Variants in SERPINB7 observed in about 807,000 individuals in gnomAD.
The protein encoded by SERPINB7 is serpin B7.
SERPINB7 carries 31 observed loss-of-function variants against 37.4 expected under a neutral mutation model. That is an observed-to-expected ratio of 0.83 (90% CI 0.62 to 1.12). The LOEUF (loss-of-function observed/expected upper bound fraction) is 1.12, where lower values mean the gene tolerates loss of function less well. SERPINB7 is among the 50% of genes most tolerant of loss of function. SERPINB7 has a pLI of 0.00. For missense variants in SERPINB7, 521 were observed against 455.3 expected (o/e 1.14, Z -1.31); for synonymous variants, 163 against 166.1 (o/e 0.98, Z 0.14).
At chr18:63,800,188 G>C (rs1388106469) in intron 6 of SERPINB7, among the ~76,000 whole-genome samples, 1 of 151,790 alleles carries the variant, frequency 6.6e-6, no homozygotes, top group Non-Finnish European at 1.5e-5. Context: ...CAAGTAGCTG[G>C]GAGTACAGGC....
upstream of SERPINB7, among the ~76,000 whole-genome samples, chr18:63,773,422 C>A (rs1017202039): frequency 6.6e-6 from 1 of 152,048 alleles, no homozygotes; most frequent in East Asian, 1.9e-4. Flanking sequence ...ATTTTCTGGG[C>A]ACTACACTAA....
intron 2 of SERPINB7, among the ~76,000 whole-genome samples, chr18:63,791,631 G>A (rs1447513278): frequency 5.3e-5 from 8 of 151,018 alleles, no homozygotes; most frequent in Non-Finnish European, 1.0e-4. Context: ...TTTTTTTTGA[G>A]ATGGCGTCTC....
At chr18:63,765,168 A>G (rs2049174175) in intron 1 of SERPINB7, among the ~76,000 whole-genome samples, 1 of 152,292 alleles carries the variant, frequency 6.6e-6, no homozygotes. Flanking sequence ...TTAAGTCCCC[A>G]AATCTCATTC....
At position 63,779,988 on chromosome 18, in the gene SERPINB7, A is replaced by G. The variant is rs562814054; in HGVS notation, c.-18-2367A>G. On this transcript the variant is annotated intron_variant, in intron 1 of 7. Coordinates refer to ENST00000398019, the MANE Select transcript of SERPINB7 (RefSeq NM_003784.4). ...CACTTTGGGAAATGATAGCTTCCAG[A>G]CCCCCATTGGCCCGTGCAAGCAGGT... is the stretch of plus-strand genomic sequence containing the variant. Among the ~76,000 whole-genome samples the G allele has an allele frequency of 2.0e-3, 302 of 152,164 alleles. 1 individual carries two copies. The highest frequency in any genetic ancestry group is 2.8e-3 in the Non-Finnish European group (191 of 67,970).
upstream of SERPINB7, among the ~76,000 whole-genome samples, chr18:63,772,364 T>C (rs1230067151): frequency 2.0e-5 from 3 of 152,188 alleles, no homozygotes; most frequent in East Asian, 5.8e-4. Flanking sequence ...AGGTAGAGGT[T>C]TTAAAGCTCC....
In SERPINB7 at chr18:63,783,283, A is replaced by AAAGAAAGG. The variant is rs1555694242; in HGVS notation, c.168+750_168+751insGAAGAAAG. The stretch of plus-strand genomic sequence containing the variant: ...GAAAGAAAGAAAGAAAGAAAGAAAG[A>AAAGAAAGG]AAGAAAGAAAGAAATGCAAATGCTT... On this transcript the variant is annotated intron_variant, in intron 2 of 7. Transcript: ENST00000398019. Among the ~76,000 whole-genome samples the AAAGAAAGG allele has an allele frequency of 5.7e-3, 689 of 121,828 alleles. 39 individuals are homozygous for AAAGAAAGG. Among genetic ancestry groups the AAAGAAAGG allele is most frequent in the African/African-American group, 7.9e-3 (246 of 31,176 alleles). The allele number at this position is 121,828 out of a possible 152,430, so 79.9% of individuals were successfully genotyped here.
intron 1 of SERPINB7, among the ~76,000 whole-genome samples, chr18:63,770,092 T>C (rs1244326068): frequency 6.7e-6 from 1 of 149,772 alleles, no homozygotes; most frequent in Non-Finnish European, 1.5e-5. Context: ...TCATTATGGT[T>C]CTACCCTACA....
At chr18:63,785,882 T>TTA (rs34009169) in intron 2 of SERPINB7, among the ~76,000 whole-genome samples, 1 of 105,504 alleles carries the variant, frequency 9.5e-6, no homozygotes, top group Non-Finnish European at 1.8e-5. Flanking sequence ...TTGAAATGCT[T>TTA]TATATATATA....
intron 2 of SERPINB7, among the ~76,000 whole-genome samples, chr18:63,790,241 T>G (rs1242351316): frequency 6.6e-6 from 1 of 152,186 alleles, no homozygotes; most frequent in East Asian, 1.9e-4. Context: ...ATCCCCAAAT[T>G]AAACACATTT....
At chr18:63,759,568 G>A (rs758178018) in intron 1 of SERPINB7, among the ~76,000 whole-genome samples, 4 of 151,696 alleles carry the variant, frequency 2.6e-5, no homozygotes, top group Non-Finnish European at 5.9e-5. Flanking sequence ...TTTACCAGTA[G>A]CTCATCTGGT....
intron 7 of SERPINB7, among the ~76,000 whole-genome samples, 186 bp downstream of exon 7, chr18:63,801,198 G>T (rs1308074390): frequency 6.6e-6 from 1 of 152,162 alleles, no homozygotes; most frequent in Non-Finnish European, 1.5e-5. Flanking sequence ...TAGTTGCTGA[G>T]ATTGACTTAA....
At chr18:63,756,804 TTGTGTGTGTGTGTG>T (rs74169985) in intron 1 of SERPINB7, among the ~76,000 whole-genome samples, 23 of 137,346 alleles carry the variant, frequency 1.7e-4, no homozygotes, top group Middle Eastern at 3.8e-3. Flanking sequence ...TTGGGGTAGC[TTGTGTGTGTGTGTG>T]TGTGTGTGTG....
chr18:63,795,596 A>G (rs1599017878), intron 4 of SERPINB7, among the ~76,000 whole-genome samples: 1 of 151,998 alleles, frequency 6.6e-6, no homozygotes, highest in South Asian at 2.1e-4. Context: ...AAAAAAAGAA[A>G]AGAAAAGAAA....
intron 1 of SERPINB7, among the ~76,000 whole-genome samples, chr18:63,768,404 T>C (rs2049192456): frequency 6.6e-6 from 1 of 152,096 alleles, no homozygotes; most frequent in Non-Finnish European, 1.5e-5. Context: ...ACATGTATAA[T>C]GATATCAGAA....
chr18:63,780,324 G>T (rs2049289230), intron 1 of SERPINB7, among the ~76,000 whole-genome samples: 1 of 152,018 alleles, frequency 6.6e-6, no homozygotes, highest in Admixed American at 6.6e-5. Flanking sequence ...AATCAGCATA[G>T]ATTTCATTTT....
Position 63,804,549 on chromosome 18 carries a change from A to G in SERPINB7, c.1057A>G (p.Thr353Ala). The change falls in exon 8 of 8, where the codon ACG becomes GCG. Residue 353 changes from threonine (T) to alanine (A), a missense_variant. Coordinates refer to ENST00000398019, the MANE Select transcript of SERPINB7 (RefSeq NM_003784.4). The stretch of plus-strand genomic sequence containing the variant: ...TGTAGAAAAGCAACTCCCTCAGTCC[A>G]CGCTGTTTAGAGCTGACCACCCATT... Reference protein sequence around the residue: ...NIVEKQLPQSTLFRADHPFLF... With the variant: ...NIVEKQLPQSALFRADHPFLF... 1 of 1,613,900 alleles carries G rather than the reference A, an allele frequency of 6.2e-7. No homozygotes were observed. Among genetic ancestry groups the G allele is most frequent in the Non-Finnish European group, 8.5e-7 (1 of 1,179,886 alleles).
intron 1 of SERPINB7, among the ~76,000 whole-genome samples, chr18:63,765,549 T>A (rs2049176315): frequency 6.6e-6 from 1 of 152,158 alleles, no homozygotes; most frequent in African/African-American, 2.4e-5. Context: ...CCTTCCCATT[T>A]AGGATAAAAT....
At chr18:63,792,768 A>G (rs941799344) in intron 3 of SERPINB7, among the ~76,000 whole-genome samples, 1 of 152,204 alleles carries the variant, frequency 6.6e-6, no homozygotes, top group African/African-American at 2.4e-5. Context: ...AAAATTTTTG[A>G]TAATTTACTT....
intron 1 of SERPINB7, among the ~76,000 whole-genome samples, chr18:63,779,482 T>C (rs1461757605): frequency 2.0e-5 from 3 of 152,176 alleles, no homozygotes; most frequent in Non-Finnish European, 4.4e-5. Flanking sequence ...AAATGGAACA[T>C]ACTTTTTGGT....
Sources: gnomAD v4.1 joint callset for allele counts (sites outside exome capture counted in the v4.1 genomes callset) on GRCh38, gnomAD v4.1.1 for gene constraint, MANE v1.5 for transcripts, NCBI Gene and HGNC (gene_info 2026-07-23, HGNC 2026-07-21) for gene names.